The following FBN1 variants were observed in gnomAD, a reference collection of about 807,000 sequenced individuals.
FBN1 encodes fibrillin 1.
In FBN1, 29 loss-of-function variants were observed where a neutral mutation model predicts 365.1. The observed-to-expected ratio is 0.08, with a 90% confidence interval of 0.06 to 0.11. FBN1 has a LOEUF of 0.11. FBN1 is among the 10% of genes least tolerant of loss of function. The pLI is 1.00. For synonymous variants in FBN1, 1,210 were observed against 1,270.5 expected (o/e 0.95, Z 1.01); for missense variants, 2,476 against 3,703.2 (o/e 0.67, Z 8.60).
At position 48,568,084 on chromosome 15, in the gene FBN1, G is replaced by GAAAGA. The variant is rs1447250769; in HGVS notation, c.538+28198_538+28199insTCTTT. Among the ~76,000 whole-genome samples, 24 of 130,734 alleles carry GAAAGA rather than the reference G, an allele frequency of 1.8e-4. 1 individual carries two copies. The highest frequency in any genetic ancestry group is 6.6e-4 in the African/African-American group (23 of 34,990). The allele number at this position is 130,734 out of a possible 152,430, so 85.8% of individuals were successfully genotyped here. A position where few individuals can be genotyped will look rare whatever the true frequency, so the allele number is the denominator to read the frequency against. On this transcript the variant is annotated intron_variant, in intron 6 of 65. Coordinates refer to ENST00000316623, the MANE Select transcript of FBN1 (RefSeq NM_000138.5). Reference sequence around the variant, plus strand: ...AGAAAGAAAGAAAGAAAGAAAGAAAGACTATCTTTATTCCAAGACAATATA... The same window carrying GAAAGA: ...AGAAAGAAAGAAAGAAAGAAAGAAAGAAAGAACTATCTTTATTCCAAGACAATATA...
intron 34 of FBN1, among the ~76,000 whole-genome samples, 161 bp downstream of exon 34, chr15:48,474,094 C>T (rs555099112): frequency 2.0e-5 from 3 of 152,222 alleles, no homozygotes; most frequent in Middle Eastern, 3.4e-3. Flanking sequence ...CCCTAATTGA[C>T]CTGGTTCCAA....
chr15:48,450,169 T>C (rs2043189932), intron 45 of FBN1, among the ~76,000 whole-genome samples: 1 of 152,174 alleles, frequency 6.6e-6, no homozygotes, highest in Non-Finnish European at 1.5e-5. Flanking sequence ...AGGAGACTGA[T>C]TTCCGATCTT....
Position 48,561,930 on chromosome 15 carries a change from T to C in FBN1, c.539-24122A>G, listed in dbSNP as rs117115085. 7.6e-4 allele frequency among the ~76,000 whole-genome samples: 116 copies of C among 152,270 alleles called. No homozygotes were observed. The East Asian group carries it at 0.021, about 28-fold the overall frequency. On this transcript the variant is annotated intron_variant, in intron 6 of 65. Coordinates refer to ENST00000316623, the MANE Select transcript of FBN1 (RefSeq NM_000138.5). ...TATTGGTAAAAAGCCCAAATTTTAGTGTCCATAAGAACCACTGAGGAACTT... is the reference window on the plus strand; with the variant it reads ...TATTGGTAAAAAGCCCAAATTTTAGCGTCCATAAGAACCACTGAGGAACTT...
chr15:48,451,295 G>T (rs2043199254), intron 45 of FBN1, among the ~76,000 whole-genome samples: 1 of 152,180 alleles, frequency 6.6e-6, no homozygotes, highest in Non-Finnish European at 1.5e-5. Context: ...TGAGCAAAAT[G>T]CAGGGAAGTG....
chr15:48,628,469 A>G (rs895617138), intron 2 of FBN1, among the ~76,000 whole-genome samples: 5 of 152,166 alleles, frequency 3.3e-5, no homozygotes, highest in African/African-American at 1.2e-4. Context: ...TTTAAAATAA[A>G]AACACATTGA....
At chr15:48,536,942 G>C (rs1227106542) in intron 7 of FBN1, among the ~76,000 whole-genome samples, 1 of 152,154 alleles carries the variant, frequency 6.6e-6, no homozygotes, top group East Asian at 1.9e-4. Flanking sequence ...AATCCCATCA[G>C]TTTAGTGTGG....
At chr15:48,464,646 A>G (rs192891794) in intron 40 of FBN1, among the ~76,000 whole-genome samples, 2 of 152,250 alleles carry the variant, frequency 1.3e-5, no homozygotes, top group African/African-American at 4.8e-5. Flanking sequence ...AGGCAGAGAT[A>G]GAAATGTGGA....
At chr15:48,605,664 G>C (rs1487569024) in intron 4 of FBN1, among the ~76,000 whole-genome samples, 1 of 152,154 alleles carries the variant, frequency 6.6e-6, no homozygotes, top group African/African-American at 2.4e-5. Flanking sequence ...CTTGAGCTCA[G>C]GAGTTCAAGA....
chr15:48,478,430 G>A (rs563613176), intron 32 of FBN1, among the ~76,000 whole-genome samples: 102 of 152,240 alleles, frequency 6.7e-4, no homozygotes, highest in Non-Finnish European at 8.4e-4. Context: ...CAGAAATCCC[G>A]CTATTTTAAC....
intron 46 of FBN1, among the ~76,000 whole-genome samples, chr15:48,447,068 G>A (rs531631562): frequency 6.6e-6 from 1 of 152,246 alleles, no homozygotes; most frequent in East Asian, 1.9e-4. Flanking sequence ...AAGGACATGA[G>A]ACCTGAACAA....
intron 55 of FBN1, among the ~76,000 whole-genome samples, chr15:48,432,437 C>T (rs1311922126): frequency 6.6e-6 from 1 of 152,128 alleles, no homozygotes; most frequent in Non-Finnish European, 1.5e-5. Flanking sequence ...CCACGTGTTA[C>T]CCCATTCTTG....
chr15:48,583,559 C>T (rs1242038495), intron 6 of FBN1, among the ~76,000 whole-genome samples: 1 of 152,200 alleles, frequency 6.6e-6, no homozygotes, highest in East Asian at 1.9e-4. Context: ...TCTATTACCT[C>T]TCATTGATTT....
At position 48,542,781 on chromosome 15, in the gene FBN1, A is replaced by ATGTGTGTGTGTGTGTG. The variant is rs58728910; in HGVS notation, c.539-4989_539-4974dup. Reference sequence around the variant, plus strand: ...TATTTCTGCCCTCTAGGACTCTAAGATGTGTGTGTGTGTGTGTGTGTGTGT... The same window carrying ATGTGTGTGTGTGTGTG: ...TATTTCTGCCCTCTAGGACTCTAAGATGTGTGTGTGTGTGTGTGTGTGTGTGTGTGTGTGTGTGTGT... On this transcript the variant is annotated intron_variant, in intron 6 of 65. Coordinates refer to ENST00000316623, the MANE Select transcript of FBN1 (RefSeq NM_000138.5). 6.9e-5 allele frequency among the ~76,000 whole-genome samples: 9 copies of ATGTGTGTGTGTGTGTG among 130,660 alleles called. No homozygotes were observed. The East Asian group carries it at 1.1e-3, about 15-fold the overall frequency. 85.7% of individuals were successfully genotyped at this position (130,660 alleles called of 152,430 possible). A position where few individuals can be genotyped will look rare whatever the true frequency, so the allele number is the denominator to read the frequency against.
chr15:48,540,804 G>A (rs1017917723), intron 6 of FBN1, among the ~76,000 whole-genome samples: 1 of 152,158 alleles, frequency 6.6e-6, no homozygotes, highest in Non-Finnish European at 1.5e-5. Context: ...TAATCAAACA[G>A]ATTCAGGTTA....
chr15:48,503,363 G>A (rs913001587), intron 17 of FBN1, among the ~76,000 whole-genome samples: 4 of 151,668 alleles, frequency 2.6e-5, no homozygotes, highest in African/African-American at 7.3e-5. Context: ...AAATCAATAC[G>A]TGGGATGTAA....
chr15:48,430,622 A>C (rs1158698495), intron 56 of FBN1, 49 bp downstream of exon 56: 8 of 1,610,796 alleles, frequency 5.0e-6, no homozygotes, highest in Middle Eastern at 1.7e-4. Flanking sequence ...CCTTCTGTCC[A>C]CTGTCACTTC....
intron 6 of FBN1, among the ~76,000 whole-genome samples, chr15:48,573,209 T>C (rs1446446803): frequency 1.3e-5 from 2 of 152,192 alleles, no homozygotes; most frequent in South Asian, 2.1e-4. Flanking sequence ...TTTTGCAAGT[T>C]TGTGTTTTTC....
chr15:48,446,264 A>G (rs1254022042), intron 47 of FBN1, among the ~76,000 whole-genome samples: 1 of 152,170 alleles, frequency 6.6e-6, no homozygotes, highest in Non-Finnish European at 1.5e-5. Flanking sequence ...AAAATAGGTG[A>G]GTATAGTACA....
chr15:48,420,938 T>C, intron 62 of FBN1, 132 bp from the exon 63 acceptor site: 1 of 984,956 alleles, frequency 1.0e-6, no homozygotes, highest in East Asian at 2.6e-5. Flanking sequence ...AGAATCTCTC[T>C]TCTGGAACTG....
Sources: gnomAD v4.1 joint callset for allele counts (sites outside exome capture counted in the v4.1 genomes callset) on GRCh38, gnomAD v4.1.1 for gene constraint, MANE v1.5 for transcripts, NCBI Gene and HGNC (gene_info 2026-07-23, HGNC 2026-07-21) for gene names.